The following AFAP1L2 variants were observed in gnomAD, a reference collection of about 807,000 sequenced individuals.
AFAP1L2 encodes the protein actin filament associated protein 1 like 2.
A neutral mutation model predicts 99.3 loss-of-function variants in AFAP1L2; 46 were observed. The ratio of observed to expected loss-of-function variants is 0.46; its 90% CI spans 0.37 to 0.59. The LOEUF (loss-of-function observed/expected upper bound fraction) is 0.59, where lower values mean the gene tolerates loss of function less well. Among genes scored for constraint, AFAP1L2 ranks in the 20% least tolerant of loss-of-function variants. AFAP1L2 has a pLI of 0.00. For synonymous variants in AFAP1L2, 397 were observed against 419.1 expected (o/e 0.95, Z 0.64); for missense variants, 959 against 1,034.9 (o/e 0.93, Z 1.01).
At chr10:114,398,907 G>T in intron 1 of AFAP1L2, 1 of 1,304,350 alleles carries the variant, frequency 7.7e-7, no homozygotes. Context: ...CCCCTGTGCT[G>T]GAATAGACAG....
chr10:114,361,170 T>G (rs1012614977), intron 1 of AFAP1L2, among the ~76,000 whole-genome samples: 3 of 152,130 alleles, frequency 2.0e-5, no homozygotes, highest in African/African-American at 4.8e-5. Flanking sequence ...AGACCTGCCC[T>G]CATGATTCAA....
In AFAP1L2 at chr10:114,304,788, T is replaced by G; in HGVS notation, c.1215A>C (p.Pro405=). The G allele has an allele frequency of 6.2e-7, 1 of 1,613,074 alleles. No homozygotes were observed. The highest frequency in any genetic ancestry group is 8.5e-7 in the Non-Finnish European group (1 of 1,179,968). ...AGTAGAGGTGGTCGGGGCTGGGGTC[T>G]GGGACCACCTCGCAGCCCACCAGGC... ...PLSLVGCEVV[P]DPSPDHLYSF... is the part of the protein sequence containing the mutation. Residue 405 remains proline (P), a synonymous_variant, in exon 11 of 19, where the codon CCA becomes CCC. Coordinates refer to ENST00000304129, the MANE Select transcript of AFAP1L2 (RefSeq NM_001001936.3).
At chr10:114,363,413 T>C (rs11593008) in intron 1 of AFAP1L2, among the ~76,000 whole-genome samples, 15,563 of 152,216 alleles carry the variant, frequency 0.1, 2,105 homozygotes, top group African/African-American at 0.31. Context: ...AGAATGAGGC[T>C]GAGCCCTTGC....
chr10:114,290,000 A>G, downstream of AFAP1L2: 1 of 382,256 alleles, frequency 2.6e-6, no homozygotes, highest in Non-Finnish European at 4.7e-6. Flanking sequence ...CTCAAAAAAA[A>G]AAAAAAAAAA....
intron 1 of AFAP1L2, among the ~76,000 whole-genome samples, chr10:114,356,036 C>T (rs1381544032): frequency 1.3e-5 from 2 of 151,712 alleles, no homozygotes; most frequent in Admixed American, 1.3e-4. Context: ...GTGTGCACAC[C>T]CTGGGGAACA....
At chr10:114,307,320 T>C (rs75668628) in intron 10 of AFAP1L2, among the ~76,000 whole-genome samples, 3,226 of 151,974 alleles carry the variant, frequency 0.021, 120 homozygotes, top group African/African-American at 0.074. Flanking sequence ...AAGGCTCAGG[T>C]CCACAAAGCT....
chr10:114,351,184 T>C (rs531429088), intron 1 of AFAP1L2, among the ~76,000 whole-genome samples: 13 of 152,300 alleles, frequency 8.5e-5, no homozygotes, highest in Admixed American at 7.8e-4. Context: ...AGCAATTATC[T>C]TTTGGTGGAG....
rs780481404 is a variant in AFAP1L2 at position 114,325,756 on chromosome 10, T to A, written c.316-2495A>T. 9.7e-6 allele frequency: 9 copies of A among 932,168 alleles called. No homozygotes were observed. The East Asian group carries it at 5.7e-4, about 59-fold the overall frequency. 57.7% of individuals were successfully genotyped at this position (932,168 alleles called of 1,614,324 possible). On this transcript the variant is annotated intron_variant, in intron 4 of 18. Coordinates refer to ENST00000304129, the MANE Select transcript of AFAP1L2 (RefSeq NM_001001936.3). ...CCCCAGCCTGGTACAAGATCTTTGC[T>A]CTCTCAGCCTTTCCTGGTCCCCCTG...
At position 114,294,850 on chromosome 10, in the gene AFAP1L2, A is replaced by T; in HGVS notation, c.*1192T>A. The T allele has an allele frequency of 1.1e-6, 1 of 886,542 alleles. No homozygotes were observed. Among genetic ancestry groups the T allele is most frequent in the Non-Finnish European group, 1.3e-6 (1 of 774,362 alleles). The allele number at this position is 886,542 out of a possible 1,614,324, so 54.9% of individuals were successfully genotyped here. A position where few individuals can be genotyped will look rare whatever the true frequency, so the allele number is the denominator to read the frequency against. On this transcript the variant is annotated 3_prime_UTR_variant, in exon 19 of 19. Transcript: ENST00000304129. ...TCAAATACAATGAACATTTTATTTT[A>T]AAAAACCTAACTAACTCACCACTTG...
intron 18 of AFAP1L2, chr10:114,296,391 T>C (rs963149423): frequency 8.5e-6 from 3 of 353,144 alleles, no homozygotes; most frequent in African/African-American, 2.1e-5. Context: ...AGGATAGGAA[T>C]AAGGAGCAGA....
At chr10:114,300,731 T>C (rs2041013482) in intron 13 of AFAP1L2, 41 bp from the exon 14 acceptor site, 1 of 1,545,250 alleles carries the variant, frequency 6.5e-7, no homozygotes, top group South Asian at 1.3e-5. Flanking sequence ...ACATTACCTC[T>C]ACTCCCTCAG....
intron 2 of AFAP1L2, among the ~76,000 whole-genome samples, chr10:114,337,668 A>C (rs540165154): frequency 6.6e-6 from 1 of 152,222 alleles, no homozygotes; most frequent in Non-Finnish European, 1.5e-5. Flanking sequence ...ACAGGAAGCC[A>C]CATCATAGGT....
intron 1 of AFAP1L2, among the ~76,000 whole-genome samples, chr10:114,384,136 G>T (rs1765412764): frequency 6.6e-6 from 1 of 152,188 alleles, no homozygotes; most frequent in Non-Finnish European, 1.5e-5. Context: ...TATATGTCAA[G>T]AGGAGGAGAC....
intron 7 of AFAP1L2, among the ~76,000 whole-genome samples, chr10:114,312,699 A>G (rs1271989244): frequency 2.6e-5 from 4 of 152,188 alleles, no homozygotes; most frequent in Non-Finnish European, 5.9e-5. Flanking sequence ...GGCCTTTCAG[A>G]GCTTGTTAGC....
At chr10:114,388,171 T>A (rs1028004892) in intron 1 of AFAP1L2, among the ~76,000 whole-genome samples, 3 of 152,196 alleles carry the variant, frequency 2.0e-5, no homozygotes, top group African/African-American at 4.8e-5. Context: ...GCCACTCAGA[T>A]GGGTGGCGGG....
chr10:114,314,924 C>T (rs1230186978), intron 6 of AFAP1L2, among the ~76,000 whole-genome samples: 2 of 152,142 alleles, frequency 1.3e-5, no homozygotes, highest in Non-Finnish European at 2.9e-5. Flanking sequence ...AGGCAGATCA[C>T]AAAGTCCGGA....
At position 114,304,715 on chromosome 10, in the gene AFAP1L2, G is replaced by T; in HGVS notation, c.1284+4C>A. ...GCCCTGCTCCCCCTGCAGGCCGGCG[G>T]TACCTCAAGCTTGGCCAGCTCCTCG... On this transcript the variant is annotated splice_donor_region_variant and intron_variant, in intron 11 of 18. Coordinates refer to ENST00000304129, the MANE Select transcript of AFAP1L2 (RefSeq NM_001001936.3). The T allele has an allele frequency of 1.3e-6, 2 of 1,597,116 alleles. No individual in the cohort carries two copies. Among genetic ancestry groups the T allele is most frequent in the South Asian group, 2.2e-5 (2 of 90,730 alleles).
intron 9 of AFAP1L2, 26 bp downstream of exon 9, chr10:114,308,407 T>A (rs776194238): frequency 1.9e-6 from 3 of 1,603,274 alleles, no homozygotes; most frequent in Admixed American, 1.7e-5. Context: ...TGGGACACCA[T>A]TCCCCTCCCA....
chr10:114,345,210 T>G (rs1018967563), intron 1 of AFAP1L2, among the ~76,000 whole-genome samples: 2 of 128,586 alleles, frequency 1.6e-5, no homozygotes, highest in African/African-American at 6.0e-5. Flanking sequence ...CGGGGGAACA[T>G]GGAGCATCGA....
Sources: allele counts gnomAD v4.1 joint callset (sites outside exome capture counted in the v4.1 genomes callset), GRCh38; gene constraint gnomAD v4.1.1; transcripts MANE v1.5; gene names NCBI Gene and HGNC (gene_info 2026-07-23, HGNC 2026-07-21).